Variants in ADGRL2 observed in about 807,000 individuals in gnomAD.
ADGRL2 encodes adhesion G protein-coupled receptor L2.
A neutral mutation model predicts 157.4 loss-of-function variants in ADGRL2; 44 were observed. The ratio of observed to expected loss-of-function variants is 0.28; its 90% CI spans 0.22 to 0.36. The LOEUF (loss-of-function observed/expected upper bound fraction) is 0.36. ADGRL2 is among the 10% of genes least tolerant of loss of function. The pLI, the probability that ADGRL2 is intolerant of heterozygous loss-of-function variation, is 1.00. For synonymous variants in ADGRL2, 585 were observed against 624.7 expected (o/e 0.94, Z 0.95); for missense variants, 1,510 against 1,768.9 (o/e 0.85, Z 2.63).
intron 3 of ADGRL2, among the ~76,000 whole-genome samples, chr1:81,682,471 A>C (rs150707792): frequency 1.2e-3 from 178 of 152,192 alleles, no homozygotes; most frequent in African/African-American, 3.9e-3. Context: ...CAGTGAACCT[A>C]CTGTGTGTGT....
At position 81,618,323 on chromosome 1, in the gene ADGRL2, G is replaced by A. The variant is rs575648721; in HGVS notation, c.-143+37343G>A. Among the ~76,000 whole-genome samples the A allele has an allele frequency of 3.9e-5, 6 of 152,252 alleles. No homozygotes were observed. In the South Asian group the frequency reaches 1.2e-3, roughly 32 times the overall value. ...TGGGTGTATTGCACCTGAATCCCTT[G>A]CTGTAGCTCATGATACACTGTTCCC... On this transcript the variant is annotated intron_variant, in intron 3 of 24. Transcript: ENST00000370721.
At chr1:81,714,610 A>C (rs2084046428) in intron 1 of ADGRL2, among the ~76,000 whole-genome samples, 2 of 152,174 alleles carry the variant, frequency 1.3e-5, no homozygotes, top group African/African-American at 4.8e-5. Flanking sequence ...AAAACTCTAA[A>C]GGGGATAAAG....
At chr1:81,587,998 C>A (rs943958464) in intron 3 of ADGRL2, among the ~76,000 whole-genome samples, 9 of 152,026 alleles carry the variant, frequency 5.9e-5, no homozygotes, top group Non-Finnish European at 1.3e-4. Flanking sequence ...GTCAGAATCC[C>A]TAGAAGCAGG....
rs372792296 is a variant in ADGRL2, at chr1:81,715,694, G to C, written c.-143+15886G>C. ...ATGAAACAGAGACAAATATAGCTCT[G>C]CATACATGTCAAATGGCCAAGTGCT... On this transcript the variant is annotated intron_variant, in intron 1 of 20. Coordinates refer to the ADGRL2 transcript ENST00000359929. Among the ~76,000 whole-genome samples, 156 of 152,190 alleles carry C rather than the reference G, an allele frequency of 1.0e-3. 3 individuals carry two copies. In the South Asian group the frequency reaches 0.032, roughly 31 times the overall value.
At chr1:81,529,541 G>A (rs554355593) in intron 2 of ADGRL2, among the ~76,000 whole-genome samples, 1 of 152,178 alleles carries the variant, frequency 6.6e-6, no homozygotes, top group Non-Finnish European at 1.5e-5. Context: ...ACTATGCCAG[G>A]AGCTATGGGA....
chr1:81,406,880 G>T (rs1489617216), intron 1 of ADGRL2, among the ~76,000 whole-genome samples: 1 of 152,168 alleles, frequency 6.6e-6, no homozygotes, highest in Non-Finnish European at 1.5e-5. Flanking sequence ...GGAACAGCTT[G>T]TGACGAGGGA....
chr1:81,335,803 T>C (rs1027499655), intron 1 of ADGRL2, among the ~76,000 whole-genome samples: 2 of 151,192 alleles, frequency 1.3e-5, no homozygotes, highest in Non-Finnish European at 2.9e-5. Flanking sequence ...GCCAGACTCC[T>C]GTGTACCACG....
intron 3 of ADGRL2, among the ~76,000 whole-genome samples, chr1:81,608,380 G>A (rs948383980): frequency 5.9e-5 from 9 of 152,158 alleles, no homozygotes; most frequent in Middle Eastern, 3.2e-3. Context: ...CATAATGAAA[G>A]CACAGGTATT....
At chr1:81,638,659 GA>G (rs1378050058) in intron 3 of ADGRL2, among the ~76,000 whole-genome samples, 1 of 151,986 alleles carries the variant, frequency 6.6e-6, no homozygotes, top group Non-Finnish European at 1.5e-5. Flanking sequence ...GCAGCCACTG[GA>G]AAAAAACTTT....
chr1:81,698,742 T>TA (rs1297736979), upstream of ADGRL2, among the ~76,000 whole-genome samples: 1 of 152,232 alleles, frequency 6.6e-6, no homozygotes. Context: ...TTTAGCCCTA[T>TA]ATTTTTTATA....
At chr1:81,810,585 A>G (rs1042123330) in intron 1 of ADGRL2, among the ~76,000 whole-genome samples, 2 of 151,918 alleles carry the variant, frequency 1.3e-5, no homozygotes. Context: ...TTTAGTTCTT[A>G]CAATTCCTGA....
chr1:81,870,583 T>G (rs1183231365), intron 2 of ADGRL2, among the ~76,000 whole-genome samples: 1 of 152,108 alleles, frequency 6.6e-6, no homozygotes, highest in Non-Finnish European at 1.5e-5. Flanking sequence ...AGGAAGTTAT[T>G]TTCAAAATAC....
intron 3 of ADGRL2, among the ~76,000 whole-genome samples, chr1:81,599,318 A>G (rs955684784): frequency 1.7e-4 from 26 of 152,194 alleles, no homozygotes; most frequent in African/African-American, 6.3e-4. Flanking sequence ...AAGGGCCTGG[A>G]ACATGGTTGG....
intron 1 of ADGRL2, among the ~76,000 whole-genome samples, chr1:81,422,222 G>A (rs1255110669): frequency 6.6e-6 from 1 of 151,760 alleles, no homozygotes. Flanking sequence ...TATTTTAAGA[G>A]GTATAAAGAT....
intron 3 of ADGRL2, among the ~76,000 whole-genome samples, chr1:81,930,406 T>C (rs547858524): frequency 2.8e-4 from 42 of 152,288 alleles, no homozygotes; most frequent in Non-Finnish European, 4.9e-4. Flanking sequence ...TTTACACATT[T>C]TTTTGAGAAC....
intron 1 of ADGRL2, among the ~76,000 whole-genome samples, chr1:81,802,372 CA>C (rs1292092768): frequency 6.6e-6 from 1 of 152,126 alleles, no homozygotes; most frequent in East Asian, 2.0e-4. Context: ...TCGGCTGGCC[CA>C]GGGGGAGACC....
intron 4 of ADGRL2, among the ~76,000 whole-genome samples, chr1:81,938,666 T>A (rs566700945): frequency 3.8e-4 from 58 of 151,792 alleles, no homozygotes; most frequent in African/African-American, 1.1e-3. Flanking sequence ...GGGTTTTTTT[T>A]AATCACTCTT....
chr1:81,442,367 C>T (rs1271812721), intron 1 of ADGRL2, among the ~76,000 whole-genome samples: 1 of 152,102 alleles, frequency 6.6e-6, no homozygotes, highest in Admixed American at 6.5e-5. Flanking sequence ...GAAAATATCC[C>T]TCTTTCACCA....
At chr1:81,924,566 T>G (rs1038918103) in intron 3 of ADGRL2, among the ~76,000 whole-genome samples, 2 of 152,144 alleles carry the variant, frequency 1.3e-5, no homozygotes, top group Non-Finnish European at 2.9e-5. Flanking sequence ...TCCTCTAGCC[T>G]GTGGTGTTAG....
Sources: allele counts gnomAD v4.1 joint callset (sites outside exome capture counted in the v4.1 genomes callset), GRCh38; gene constraint gnomAD v4.1.1; transcripts MANE v1.5; gene names NCBI Gene and HGNC (gene_info 2026-07-23, HGNC 2026-07-21).